Variants in SMIM10L3 observed in about 807,000 individuals in gnomAD.
SMIM10L3 encodes small integral membrane protein 10 like 3, also known as salivary gland specific protein SAGSIN1.
At chr7:6,335,732 C>T in the SMIM10L3 span, among the ~76,000 whole-genome samples, 1 of 152,054 alleles carries the variant, frequency 6.6e-6, no homozygotes, top group South Asian at 2.1e-4. Flanking sequence ...CTATATAATT[C>T]ACTAAAATAT....
At chr7:6,329,680 C>G in the SMIM10L3 span, 5 of 165,074 alleles carry the variant, frequency 3.0e-5, no homozygotes, top group African/African-American at 9.7e-5. Flanking sequence ...ATCTGGGAAA[C>G]TTTTTATGTG....
chr7:6,343,595 G>A, the SMIM10L3 span, among the ~76,000 whole-genome samples: 7 of 151,606 alleles, frequency 4.6e-5, no homozygotes, highest in Non-Finnish European at 8.8e-5. Context: ...CCATTTAACT[G>A]CCTTGTATTT....
chr7:6,332,677 G>A, the SMIM10L3 span, among the ~76,000 whole-genome samples: 2 of 151,906 alleles, frequency 1.3e-5, no homozygotes, highest in South Asian at 2.1e-4. Context: ...TCTGACCTGG[G>A]CAATGGAGTC....
At chr7:6,336,739 G>A in the SMIM10L3 span, among the ~76,000 whole-genome samples, 9 of 147,870 alleles carry the variant, frequency 6.1e-5, no homozygotes, top group Admixed American at 2.0e-4. Flanking sequence ...CTGCAGCCTC[G>A]ACTTCCTCAA....
chr7:6,336,732 C>A, the SMIM10L3 span, among the ~76,000 whole-genome samples: 1 of 151,432 alleles, frequency 6.6e-6, no homozygotes, highest in African/African-American at 2.4e-5. Context: ...CGGCTCACTG[C>A]AGCCTCGACT....
the SMIM10L3 span, among the ~76,000 whole-genome samples, chr7:6,343,323 T>G: frequency 6.9e-6 from 1 of 145,382 alleles, no homozygotes; most frequent in Non-Finnish European, 1.5e-5. Flanking sequence ...GTTGCAGTGA[T>G]CCAAAATCAC....
chr7:6,331,087 G>C, the SMIM10L3 span: 10 of 1,613,468 alleles, frequency 6.2e-6, no homozygotes, highest in Middle Eastern at 1.6e-4. Flanking sequence ...TAGTTTGTCC[G>C]AGTCACCTCC....
the SMIM10L3 span, among the ~76,000 whole-genome samples, chr7:6,333,975 T>G: frequency 6.6e-6 from 1 of 150,822 alleles, no homozygotes; most frequent in Non-Finnish European, 1.5e-5. Flanking sequence ...GCCTCCCAAG[T>G]AGCTGGGACT....
At chr7:6,337,523 G>A in the SMIM10L3 span, among the ~76,000 whole-genome samples, 1 of 151,712 alleles carries the variant, frequency 6.6e-6, no homozygotes, top group Non-Finnish European at 1.5e-5. Flanking sequence ...CAAGGATTTA[G>A]CATTGTTCAG....
chr7:6,343,193 A>G, the SMIM10L3 span, among the ~76,000 whole-genome samples: 1 of 151,408 alleles, frequency 6.6e-6, no homozygotes. Context: ...CCTGGCCAAC[A>G]TGGTGAAGCC....
the SMIM10L3 span, chr7:6,330,048 A>C: frequency 5.7e-5 from 17 of 299,200 alleles, no homozygotes; most frequent in African/African-American, 3.4e-4. Flanking sequence ...GATTTGGGAC[A>C]GTAGCCCTTT....
the SMIM10L3 span, among the ~76,000 whole-genome samples, chr7:6,341,018 C>A: frequency 6.9e-6 from 1 of 145,720 alleles, no homozygotes; most frequent in South Asian, 2.2e-4. Flanking sequence ...GTGGTGGGAA[C>A]CTACAGTCCC....
the SMIM10L3 span, among the ~76,000 whole-genome samples, chr7:6,336,751 G>A: frequency 1.3e-5 from 2 of 150,110 alleles, no homozygotes; most frequent in South Asian, 4.2e-4. Context: ...CTTCCTCAAG[G>A]TTGGGTCATC....
the SMIM10L3 span, among the ~76,000 whole-genome samples, chr7:6,334,844 C>G: frequency 6.6e-6 from 1 of 151,824 alleles, no homozygotes; most frequent in Non-Finnish European, 1.5e-5. Context: ...TCTCGACTCA[C>G]TGCAACCTCC....
chr7:6,333,168 C>CAAAAAAAAAAAAAAAA, the SMIM10L3 span, among the ~76,000 whole-genome samples: 2 of 127,998 alleles, frequency 1.6e-5, no homozygotes. Flanking sequence ...ATAAAAAAAT[C>CAAAAAAAAAAAAAAAA]AAAAAAAAAA....
At chr7:6,344,707 C>A in the SMIM10L3 span, among the ~76,000 whole-genome samples, 2 of 152,028 alleles carry the variant, frequency 1.3e-5, no homozygotes, top group Non-Finnish European at 2.9e-5. Context: ...GGTTGAGTCA[C>A]GGCACCTGGC....
the SMIM10L3 span, among the ~76,000 whole-genome samples, chr7:6,342,428 C>T: frequency 1.3e-5 from 2 of 151,862 alleles, no homozygotes; most frequent in African/African-American, 2.4e-5. Context: ...ACCTGTAATC[C>T]CAGCTACTCG....
chr7:6,334,288 C>A, the SMIM10L3 span, among the ~76,000 whole-genome samples: 1 of 151,352 alleles, frequency 6.6e-6, no homozygotes, highest in South Asian at 2.1e-4. Flanking sequence ...GTAATCCCAG[C>A]ACTTGGGGAG....
the SMIM10L3 span, chr7:6,342,108 A>G: frequency 6.6e-6 from 1 of 152,212 alleles, no homozygotes; most frequent in Non-Finnish European, 1.5e-5. Context: ...GCCAGGTGCC[A>G]GGTGCTGTTC....
Sources: gnomAD v4.1 joint callset for allele counts (sites outside exome capture counted in the v4.1 genomes callset) on GRCh38, gnomAD v4.1.1 for gene constraint, MANE v1.5 for transcripts, NCBI Gene and HGNC (gene_info 2026-07-23, HGNC 2026-07-21) for gene names.